NELFCD: variants seen among roughly 807,000 people sequenced by gnomAD.
NELFCD encodes the protein negative elongation factor complex member C/D.
A neutral mutation model predicts 72.9 loss-of-function variants in NELFCD; 48 were observed. The ratio of observed to expected loss-of-function variants is 0.66; its 90% CI spans 0.52 to 0.84. The LOEUF (loss-of-function observed/expected upper bound fraction) is 0.84, where lower values mean the gene tolerates loss of function less well. NELFCD is among the 40% of genes least tolerant of loss of function. NELFCD has a pLI of 0.00. For missense variants in NELFCD, 538 were observed against 723.8 expected, an observed-to-expected ratio of 0.74 and a Z score of 2.94; for synonymous variants, 297 against 280.6, an observed-to-expected ratio of 1.06 and a Z score of -0.59.
chr20:58,994,054 C>T (rs567299820), intron 13 of NELFCD, 56 bp from the exon 14 acceptor site: 222 of 1,590,224 alleles, frequency 1.4e-4, no homozygotes, highest in East Asian at 1.1e-4. Context: ...ACCCGGATGT[C>T]GGTGGATGCC....
chr20:58,993,349 C>G lies in NELFCD; in HGVS notation c.1345-100C>G, dbSNP rs1445498935. ...TGGCTTAGGTGTCAGGACCTTCTTC[C>G]ACAGTGATAAGCTCTTTGGTGGCTG... On this transcript the variant is annotated intron_variant, in intron 11 of 14. Coordinates refer to ENST00000652272, the MANE Select transcript of NELFCD (RefSeq NM_198976.4). This position sits in a 1 kb window ranked among gnomAD's most constrained non-coding sequence, Gnocchi z 5.0. 8.4e-7 allele frequency: 1 copy of G among 1,190,234 alleles called. No homozygotes were observed. The allele number at this position is 1,190,234 out of a possible 1,614,324, so 73.7% of individuals were successfully genotyped here. A position where few individuals can be genotyped will look rare whatever the true frequency, so the allele number is the denominator to read the frequency against.
intron 4 of NELFCD, among the ~76,000 whole-genome samples, chr20:58,988,274 G>A (rs758239342): frequency 1.3e-5 from 2 of 152,202 alleles, no homozygotes; most frequent in Non-Finnish European, 2.9e-5. Flanking sequence ...ATGAGGGTTA[G>A]TAGGAAGAAT....
rs1010178080 is a variant in NELFCD at position 58,991,827 on chromosome 20, G to A, written c.1090-54G>A. 7 of 1,592,778 alleles carry A rather than the reference G, an allele frequency of 4.4e-6. No homozygotes were observed. In the South Asian group the frequency reaches 4.5e-5, roughly 10 times the overall value. ...GAAGTGGCCGACACCAGAACACCCC[G>A]ACAGCAGGGATATCTGCCCTGTCAG... On this transcript the variant is annotated intron_variant, in intron 9 of 14. Coordinates refer to ENST00000652272, the MANE Select transcript of NELFCD (RefSeq NM_198976.4).
chr20:58,993,960 C>A lies in NELFCD; in HGVS notation c.1582-150C>A. ...TGACACACTTTACCTCCATTACCAC[C>A]CTGGGCATCTGAATGTTGGAGATGG... is the stretch of plus-strand genomic sequence containing the variant. On this transcript the variant is annotated intron_variant, in intron 13 of 14. Coordinates refer to ENST00000652272, the MANE Select transcript of NELFCD (RefSeq NM_198976.4). This position sits in a 1 kb window ranked among gnomAD's most constrained non-coding sequence, Gnocchi z 5.0. 1.8e-6 allele frequency: 2 copies of A among 1,127,568 alleles called. No individual in the cohort carries two copies. Among genetic ancestry groups the A allele is most frequent in the Non-Finnish European group, 2.6e-6 (2 of 777,642 alleles). 69.8% of individuals were successfully genotyped at this position (1,127,568 alleles called of 1,614,324 possible).
At chr20:58,981,463 G>T (rs950170035) in intron 1 of NELFCD, 94 bp downstream of exon 1, 6 of 456,306 alleles carry the variant, frequency 1.3e-5, no homozygotes, top group Non-Finnish European at 1.8e-5. Context: ...GCGGCGCGAG[G>T]CTGCGGGCGT....
At position 58,989,944 on chromosome 20, in the gene NELFCD, T is replaced by G. The variant is rs2091803029; in HGVS notation, c.744T>G (p.Ala248=). ...CCCAGGAGGAGCAGGGGGGCTCCGC[T>G]GTGCGCAGGATCGCCCAGGAAGTGC... ...VLAQEEQGGS[A]VRRIAQEVQR... is the part of the protein sequence containing the mutation. Residue 248 remains alanine (A), a synonymous_variant, in exon 7 of 15, where the codon GCT becomes GCG. Transcript: ENST00000652272. 1 of 1,613,914 alleles carries G rather than the reference T, an allele frequency of 6.2e-7. No individual in the cohort carries two copies. Among genetic ancestry groups the G allele is most frequent in the African/African-American group, 1.3e-5 (1 of 74,952 alleles).
At chr20:58,987,500 G>C in intron 3 of NELFCD, 1 of 560,098 alleles carries the variant, frequency 1.8e-6, no homozygotes, top group South Asian at 2.3e-5. Flanking sequence ...AGTTAGGGGT[G>C]GACCAGACTT....
In NELFCD at chr20:58,994,805, C is replaced by G. The variant is rs1043219; in HGVS notation, c.*129C>G. 0.12 allele frequency: 86,327 copies of G among 738,030 alleles called. 5,637 individuals carry two copies. The highest frequency in any genetic ancestry group is 0.21 in the Admixed American group (8,675 of 42,238). The allele number at this position is 738,030 out of a possible 1,614,324, so 45.7% of individuals were successfully genotyped here. On this transcript the variant is annotated 3_prime_UTR_variant, in exon 15 of 15. Transcript: ENST00000652272. The stretch of plus-strand genomic sequence containing the variant: ...GGCACCGCTGGGAGGAGGTGGATGA[C>G]TTCTTTACAAAGGAAAATGGTAGCA...
rs976832974 is a variant in NELFCD at position 58,994,825 on chromosome 20, G to A, written c.*149G>A. 8.1e-5 allele frequency: 54 copies of A among 669,060 alleles called. No homozygotes were observed. The highest frequency in any genetic ancestry group is 1.3e-4 in the Non-Finnish European group (48 of 370,898). 41.4% of individuals were successfully genotyped at this position (669,060 alleles called of 1,614,324 possible). ...GATGACTTCTTTACAAAGGAAAATGGTAGCAGCTTCAGTGAGAAACTGCCC... is the reference window on the plus strand; with the variant it reads ...GATGACTTCTTTACAAAGGAAAATGATAGCAGCTTCAGTGAGAAACTGCCC... On this transcript the variant is annotated 3_prime_UTR_variant, in exon 15 of 15. Transcript: ENST00000652272.
At chr20:58,990,100 G>GCTCT in intron 7 of NELFCD, 112 bp downstream of exon 7, 1 of 1,437,280 alleles carries the variant, frequency 7.0e-7, no homozygotes, top group East Asian at 2.4e-5. Flanking sequence ...TCAACGTAGA[G>GCTCT]GTAAACTTGC....
chr20:58,988,872 TG>T (rs766134137), intron 4 of NELFCD, 41 bp from the exon 5 acceptor site: 8 of 1,397,488 alleles, frequency 5.7e-6, no homozygotes, highest in African/African-American at 4.3e-5. Context: ...CAAGTAAAAG[TG>T]GGGCCTCCTC....
In NELFCD at chr20:58,981,383, C is replaced by G. The variant is rs1179577352; in HGVS notation, c.60+14C>G. 9.5e-6 allele frequency: 10 copies of G among 1,055,530 alleles called. No homozygotes were observed. The highest frequency in any genetic ancestry group is 1.7e-5 in the African/African-American group (1 of 58,720). The allele number at this position is 1,055,530 out of a possible 1,614,324, so 65.4% of individuals were successfully genotyped here. A position where few individuals can be genotyped will look rare whatever the true frequency, so the allele number is the denominator to read the frequency against. On this transcript the variant is annotated intron_variant, in intron 1 of 14. Transcript: ENST00000652272. ...GACGGCGGCCAGGTGAGGCGGGGCA[C>G]TGGGCGCACCCTAGAGAGAATCGTT...
chr20:58,990,400 C>CA (rs34301819), intron 7 of NELFCD: 1,530 of 123,386 alleles, frequency 0.012, 2 homozygotes, highest in Non-Finnish European at 0.015. Flanking sequence ...AACTCTGTCT[C>CA]AAAAAAAAAA....
chr20:58,982,140 A>ATTT (rs751696443), intron 1 of NELFCD, among the ~76,000 whole-genome samples: 11 of 68,392 alleles, frequency 1.6e-4, no homozygotes, highest in African/African-American at 4.7e-4. Context: ...GGGAACTTGC[A>ATTT]TTTTTTTTTT....
rs746653897 is a variant in NELFCD at position 58,993,629 on chromosome 20, G to A, written c.1446G>A (p.Glu482=). ...HSQLDVMEQL[E]LKKTLLDRMV... ...CTGTCCCCCTTCTTCTGTAGCTTGA[G>A]TTGAAGAAGACACTGCTGGACAGGA... Residue 482 remains glutamate, a synonymous_variant, in exon 13 of 15, where the codon GAG becomes GAA. Transcript: ENST00000652272. The surrounding 1 kb of genome is among the most constrained non-coding windows in gnomAD (Gnocchi z 5.0). The A allele has an allele frequency of 1.2e-6, 2 of 1,614,254 alleles. No homozygotes were observed. The highest frequency in any genetic ancestry group is 1.7e-5 in the Admixed American group (1 of 60,028).
chr20:58,990,977 G>C lies in NELFCD; in HGVS notation c.856G>C (p.Ala286Pro). Residue 286 changes from alanine to proline, a missense_variant, in exon 8 of 15, where the codon GCT becomes CCT. Physicochemically the swap from Ala to Pro is conservative, Grantham distance 27. This residue lies in a region of NELFCD where 355 missense variants were observed against 534.5 expected (regional missense o/e 0.66). Coordinates refer to ENST00000652272, the MANE Select transcript of NELFCD (RefSeq NM_198976.4). The part of the protein sequence containing the change: ...TAASYPRACQ[A>P]LGAMLSKGAL... Reference sequence around the variant, plus strand: ...TGCCTCCTACCCCAGGGCCTGCCAGGCTCTCGGGGCCATGCTGTCCAAAGG... The same window carrying C: ...TGCCTCCTACCCCAGGGCCTGCCAGCCTCTCGGGGCCATGCTGTCCAAAGG... 1 of 1,614,190 alleles carries C rather than the reference G, an allele frequency of 6.2e-7. No homozygotes were observed. Among genetic ancestry groups the C allele is most frequent in the Non-Finnish European group, 8.5e-7 (1 of 1,180,036 alleles).
At chr20:58,983,378 C>T (rs979441536) in intron 1 of NELFCD, among the ~76,000 whole-genome samples, 5 of 151,144 alleles carry the variant, frequency 3.3e-5, no homozygotes, top group Non-Finnish European at 5.9e-5. Flanking sequence ...TCAGGTGATC[C>T]GCCTGCCCCG....
intron 10 of NELFCD, 41 bp downstream of exon 10, chr20:58,992,061 G>A: frequency 4.5e-6 from 7 of 1,542,866 alleles, no homozygotes; most frequent in Non-Finnish European, 5.3e-6. Flanking sequence ...AGTCCTTTGG[G>A]GAGGAGGTCG....
At chr20:58,983,029 C>T (rs951313064) in intron 1 of NELFCD, among the ~76,000 whole-genome samples, 8 of 151,906 alleles carry the variant, frequency 5.3e-5, no homozygotes, top group African/African-American at 1.9e-4. Context: ...CCTCCGTTGC[C>T]ACTTCGTCAA....
Sources: allele counts gnomAD v4.1 joint callset (sites outside exome capture counted in the v4.1 genomes callset), GRCh38; gene constraint gnomAD v4.1.1; regional missense constraint gnomAD v4.1.1; non-coding constraint Gnocchi (gnomAD v3.1); transcripts MANE v1.5; gene names NCBI Gene and HGNC (gene_info 2026-07-23, HGNC 2026-07-21).